Variants in STK11IP observed in about 807,000 individuals in gnomAD.
STK11IP encodes the protein serine/threonine-protein kinase 11-interacting protein.
A neutral mutation model predicts 131.7 loss-of-function variants in STK11IP; 103 were observed. That is an observed-to-expected ratio of 0.78 (90% CI 0.67 to 0.92). STK11IP has a LOEUF of 0.92. Ranked by LOEUF, STK11IP falls within the 40% of genes least tolerant of loss-of-function variation. The pLI is 0.00. For synonymous variants in STK11IP, 557 were observed against 575.6 expected (o/e 0.97, Z 0.46); for missense variants, 1,315 against 1,385.7 (o/e 0.95, Z 0.81).
At chr2:219,609,022 A>G (rs1222856117) in intron 15 of STK11IP, 75 bp from the exon 16 acceptor site, 1 of 1,228,130 alleles carries the variant, frequency 8.1e-7, no homozygotes, top group Non-Finnish European at 1.2e-6. Context: ...GCCATCCTCC[A>G]TGCTCTCAGC....
At position 219,602,490 on chromosome 2, in the gene STK11IP, G is replaced by C; in HGVS notation, c.461G>C (p.Gly154Ala). 1 of 1,613,902 alleles carries C rather than the reference G, an allele frequency of 6.2e-7. No individual in the cohort carries two copies. The highest frequency in any genetic ancestry group is 1.1e-5 in the South Asian group (1 of 91,084). The part of the protein sequence containing the change: ...ALEELLSACG[G>A]DFCSALPWLA... ...CAGGAGCTCCTCTCAGCCTGCGGCG[G>C]CGACTTCTGCTCTGCCCTCCCTTGG... Residue 154 changes from glycine to alanine, a missense_variant, in exon 6 of 25, where the codon GGC (glycine) becomes GCC (alanine). Coordinates refer to ENST00000456909, the MANE Select transcript of STK11IP (RefSeq NM_052902.4).
At position 219,598,078 on chromosome 2, in the gene STK11IP, C is replaced by T. The variant is rs1350080611; in HGVS notation, c.-26-16C>T. On this transcript the variant is annotated splice_polypyrimidine_tract_variant and intron_variant, in intron 1 of 24. Coordinates refer to ENST00000456909, the MANE Select transcript of STK11IP (RefSeq NM_052902.4). Reference sequence around the variant, plus strand: ...CGCCCACCTGAGGCTCTTCCGCTTCCTCTTTCCCCCCCCAGGCTCCGCCCC... The same window carrying T: ...CGCCCACCTGAGGCTCTTCCGCTTCTTCTTTCCCCCCCCAGGCTCCGCCCC... 6.3e-7 allele frequency: 1 copy of T among 1,578,398 alleles called. No homozygotes were observed. The highest frequency in any genetic ancestry group is 8.6e-7 in the Non-Finnish European group (1 of 1,163,030).
chr2:219,613,611 A>G (rs1283544857), intron 20 of STK11IP, 141 bp from the exon 21 acceptor site: 10 of 710,246 alleles, frequency 1.4e-5, no homozygotes, highest in African/African-American at 3.3e-5. Context: ...GAGGGAGGAG[A>G]TGGAATGAGG....
chr2:219,606,110 C>G (rs371351593), intron 9 of STK11IP, 51 bp downstream of exon 9: 23 of 1,545,728 alleles, frequency 1.5e-5, no homozygotes, highest in African/African-American at 1.2e-4. Context: ...CACGTACCCC[C>G]CCATGCTGGT....
rs1468951631 is a variant in STK11IP at position 219,606,508 on chromosome 2, A to G, written c.978A>G (p.Thr326=). 6.2e-7 allele frequency: 1 copy of G among 1,612,808 alleles called. No individual in the cohort carries two copies. Among genetic ancestry groups the G allele is most frequent in the East Asian group, 2.2e-5 (1 of 44,856 alleles). ...TCGATGGCAAGGTCTTGTCACTGAC[A>G]GATTTTCAGGTCGGTGTGGTTGGGG... The part of the protein sequence containing the change: ...FLLDGKVLSL[T]DFQTHTSLGL... Residue 326 remains threonine, a synonymous_variant, in exon 11 of 25, where the codon ACA becomes ACG. Transcript: ENST00000456909.
intron 7 of STK11IP, among the ~76,000 whole-genome samples, chr2:219,603,385 C>G (rs1055802249): frequency 2.0e-5 from 3 of 151,984 alleles, no homozygotes; most frequent in African/African-American, 7.3e-5. Flanking sequence ...GAAGAAGTAC[C>G]CAATGTTGCT....
Position 219,602,072 on chromosome 2 carries a change from C to T in STK11IP, c.427C>T (p.Gln143Ter). 5 of 1,604,770 alleles carry T rather than the reference C, an allele frequency of 3.1e-6. No individual in the cohort carries two copies. The highest frequency in any genetic ancestry group is 4.3e-6 in the Non-Finnish European group (5 of 1,175,732). ...LETLICSRSL[Q>*]ALEELLSACG... is the part of the protein sequence containing the mutation. ...GACCCTGATTTGCAGCAGGAGCCTC[C>T]AGGCATTAGAGGTAAGGAGAGTGAG... Residue 143 changes from glutamine to a stop codon, truncating the protein, a stop_gained, in exon 5 of 25, where the codon CAG (glutamine) becomes TAG (stop). Transcript: ENST00000456909. LOFTEE classifies it high-confidence loss of function.
In STK11IP at chr2:219,609,143, C is replaced by T; in HGVS notation, c.1856C>T (p.Ser619Phe). Residue 619 changes from serine (S) to phenylalanine (F), a missense_variant, in exon 16 of 25, where the codon TCC becomes TTC. Ser to Phe is a radical substitution (Grantham distance 155). Transcript: ENST00000456909. ...GCCCCCATCCTCAGTCTGCGCTTCTCCTACATCTGCCCTGACCGGCAGTTG... is the reference window on the plus strand; with the variant it reads ...GCCCCCATCCTCAGTCTGCGCTTCTTCTACATCTGCCCTGACCGGCAGTTG... ...PGAPILSLRFSYICPDRQLRR... is the reference protein window; with the variant it reads ...PGAPILSLRFFYICPDRQLRR... 2 of 1,610,190 alleles carry T rather than the reference C, an allele frequency of 1.2e-6. No individual in the cohort carries two copies. The highest frequency in any genetic ancestry group is 1.7e-6 in the Non-Finnish European group (2 of 1,178,424).
chr2:219,609,292 C>T (rs1364215555), intron 16 of STK11IP, 71 bp from the exon 17 acceptor site: 2 of 1,581,450 alleles, frequency 1.3e-6, no homozygotes, highest in Non-Finnish European at 1.7e-6. Context: ...GGCCTGAGGG[C>T]CGGGGGCCTG....
chr2:219,599,416 T>C (rs1697904995), intron 2 of STK11IP, among the ~76,000 whole-genome samples: 1 of 152,182 alleles, frequency 6.6e-6, no homozygotes, highest in Admixed American at 6.5e-5. Flanking sequence ...CTGGCTTGTA[T>C]TGATAACTTT....
intron 9 of STK11IP, 46 bp from the exon 10 acceptor site, chr2:219,606,149 G>A (rs1383929404): frequency 6.5e-7 from 1 of 1,546,200 alleles, no homozygotes. Context: ...ACACAGGGAG[G>A]GCCAGGGCCC....
In STK11IP at chr2:219,607,062, C is replaced by T. The variant is rs776909841; in HGVS notation, c.1144C>T (p.Arg382Cys). ...CCTCCACCAACCTCAGAGCCGAGTC[C>T]GTGTGAGGCGGGCAAGCATCTCTGA... is the stretch of plus-strand genomic sequence containing the variant. The part of the protein sequence containing the change: ...PLLHKVKSRV[R>C]VRRASISEPS... The change falls in exon 13 of 25, where the codon CGT becomes TGT. Residue 382 changes from arginine to cysteine, a missense_variant. Transcript: ENST00000456909. 1.4e-5 allele frequency: 23 copies of T among 1,613,776 alleles called. 1 individual carries two copies. The highest frequency in any genetic ancestry group is 5.3e-5 in the African/African-American group (4 of 74,910).
At chr2:219,615,066 T>C (rs1487202499) in intron 23 of STK11IP, 28 bp from the exon 24 acceptor site, 1 of 1,598,950 alleles carries the variant, frequency 6.3e-7, no homozygotes, top group Non-Finnish European at 8.5e-7. Context: ...TCCATGACCT[T>C]CCACACTGGA....
At chr2:219,615,567 C>G in intron 24 of STK11IP, 1 of 675,934 alleles carries the variant, frequency 1.5e-6, no homozygotes, top group South Asian at 1.8e-5. Context: ...GACTGGGAGC[C>G]CAGCCATTTA....
chr2:219,598,291 G>A (rs1294336341), intron 2 of STK11IP, 111 bp downstream of exon 2: 1 of 746,944 alleles, frequency 1.3e-6, no homozygotes, highest in African/African-American at 1.8e-5. Flanking sequence ...GGGTCACCAG[G>A]TGTCAGAGTT....
chr2:219,612,660 G>T (rs1698434003), intron 19 of STK11IP, among the ~76,000 whole-genome samples: 1 of 152,154 alleles, frequency 6.6e-6, no homozygotes, highest in Non-Finnish European at 1.5e-5. Context: ...CGAGAGTGTC[G>T]CTGGTGGGGA....
At chr2:219,606,380 C>T in intron 10 of STK11IP, 90 bp downstream of exon 10, 1 of 1,546,312 alleles carries the variant, frequency 6.5e-7, no homozygotes, top group Non-Finnish European at 8.8e-7. Context: ...GGGTGAGGGG[C>T]CAAGGACCTG....
At chr2:219,601,503 A>T (rs1254976467) in intron 3 of STK11IP, 63 bp downstream of exon 3, 1 of 1,585,486 alleles carries the variant, frequency 6.3e-7, no homozygotes, top group South Asian at 1.1e-5. Flanking sequence ...GAAGTTGGGG[A>T]TAGGGTAGGG....
Position 219,601,977 on chromosome 2 carries a change from C to T in STK11IP, c.343-11C>T, listed in dbSNP as rs1340354260. The T allele has an allele frequency of 2.5e-6, 4 of 1,604,720 alleles. No individual in the cohort carries two copies. Reference sequence around the variant, plus strand: ...GGTTCTGCCTTCCTCCCTCCTCTTTCCTTGTCCCAGCTCCGAGGTGTTCCC... The same window carrying T: ...GGTTCTGCCTTCCTCCCTCCTCTTTTCTTGTCCCAGCTCCGAGGTGTTCCC... On this transcript the variant is annotated splice_polypyrimidine_tract_variant and intron_variant, in intron 4 of 24. Coordinates refer to ENST00000456909, the MANE Select transcript of STK11IP (RefSeq NM_052902.4).
Sources: allele counts gnomAD v4.1 joint callset (sites outside exome capture counted in the v4.1 genomes callset), GRCh38; gene constraint gnomAD v4.1.1; transcripts MANE v1.5; gene names NCBI Gene and HGNC (gene_info 2026-07-23, HGNC 2026-07-21).